ZC2HC1A: variants seen among roughly 807,000 people sequenced by gnomAD.
ZC2HC1A encodes the protein zinc finger C2HC-type containing 1A.
In ZC2HC1A, 28 loss-of-function variants were observed where a neutral mutation model predicts 40.7. That is an observed-to-expected ratio of 0.69 (90% CI 0.51 to 0.94). ZC2HC1A has a LOEUF of 0.94. Among genes scored for constraint, ZC2HC1A ranks in the 40% least tolerant of loss-of-function variants. ZC2HC1A has a pLI of 0.00. For synonymous variants in ZC2HC1A, 129 were observed against 129.2 expected, an observed-to-expected ratio of 1.00 and a Z score of 0.01; for missense variants, 389 against 386.3, an observed-to-expected ratio of 1.01 and a Z score of -0.06.
At chr8:78,672,176 C>A (rs2130416237) in intron 1 of ZC2HC1A, among the ~76,000 whole-genome samples, 1 of 151,894 alleles carries the variant, frequency 6.6e-6, no homozygotes, top group Admixed American at 6.6e-5. Context: ...GACTCTGAGG[C>A]CTAAGGTATT....
rs1040362528 is a variant in ZC2HC1A at position 78,700,213 on chromosome 8, A to T, written c.704+1700A>T. Among the ~76,000 whole-genome samples, 4 of 152,266 alleles carry T rather than the reference A, an allele frequency of 2.6e-5. No homozygotes were observed. The East Asian group carries it at 5.8e-4, about 22-fold the overall frequency. On this transcript the variant is annotated intron_variant, in intron 7 of 8. Transcript: ENST00000263849. ...GGTTTTGATTTGCGTTTCTCTAATGATCAGTGATGTTGAGCTTTTTTTCAT... is the reference window on the plus strand; with the variant it reads ...GGTTTTGATTTGCGTTTCTCTAATGTTCAGTGATGTTGAGCTTTTTTTCAT...
chr8:78,711,384 A>G (rs1020468958), intron 7 of ZC2HC1A, among the ~76,000 whole-genome samples: 1 of 152,016 alleles, frequency 6.6e-6, no homozygotes, highest in South Asian at 2.1e-4. Flanking sequence ...GTGTGTGTAT[A>G]TATAGGCCCC....
In ZC2HC1A at chr8:78,698,504, C is replaced by G. The variant is rs1345959075; in HGVS notation, c.695C>G (p.Pro232Arg). 3 of 1,606,990 alleles carry G rather than the reference C, an allele frequency of 1.9e-6. No homozygotes were observed. The highest frequency in any genetic ancestry group is 2.2e-5 in the East Asian group (1 of 44,742). ...LSPSHKGIAA[P>R]HAGANVKPRN... ...CCCTCTCATAAAGGGATAGCAGCCC[C>G]TCATGCAGGGTAAGTCTACACTGGA... is the stretch of plus-strand genomic sequence containing the variant. Residue 232 changes from proline (P) to arginine (R), a missense_variant, in exon 7 of 9, where the codon CCT becomes CGT. By Grantham distance (103) the Pro-to-Arg change is moderately radical. Transcript: ENST00000263849.
intron 7 of ZC2HC1A, among the ~76,000 whole-genome samples, chr8:78,710,337 G>C (rs1323272653): frequency 6.6e-6 from 1 of 152,042 alleles, no homozygotes; most frequent in Non-Finnish European, 1.5e-5. Context: ...TATAATACAA[G>C]TATGGTTAAA....
At chr8:78,689,056 A>G (rs1167789003) in intron 4 of ZC2HC1A, among the ~76,000 whole-genome samples, 166 bp from the exon 5 acceptor site, 1 of 145,690 alleles carries the variant, frequency 6.9e-6, no homozygotes, top group East Asian at 2.0e-4. Flanking sequence ...TTAACTCTTT[A>G]CTAAGTTTAG....
At chr8:78,677,802 G>A (rs1419033495) in intron 2 of ZC2HC1A, among the ~76,000 whole-genome samples, 4 of 152,152 alleles carry the variant, frequency 2.6e-5, no homozygotes, top group South Asian at 2.1e-4. Context: ...GGGCGAGTTC[G>A]CAGTGCAAAG....
At chr8:78,716,324 C>G (rs1811101227) in intron 8 of ZC2HC1A, among the ~76,000 whole-genome samples, 1 of 151,622 alleles carries the variant, frequency 6.6e-6, no homozygotes, top group Non-Finnish European at 1.5e-5. Context: ...GGGGTTTCAC[C>G]ATGTTAGCCA....
intron 1 of ZC2HC1A, 54 bp downstream of exon 1, chr8:78,666,218 G>C: frequency 6.4e-7 from 1 of 1,557,828 alleles, no homozygotes; most frequent in Non-Finnish European, 8.7e-7. Context: ...CGAAACAGCT[G>C]GGGACCCTGG....
chr8:78,698,338 G>GT, intron 6 of ZC2HC1A, 76 bp from the exon 7 acceptor site: 1 of 1,203,854 alleles, frequency 8.3e-7, no homozygotes, highest in South Asian at 1.6e-5. Context: ...CTAAAGCATT[G>GT]TTTCCTTTGT....
At chr8:78,713,116 C>A (rs888082181) in intron 7 of ZC2HC1A, among the ~76,000 whole-genome samples, 1 of 151,876 alleles carries the variant, frequency 6.6e-6, no homozygotes, top group African/African-American at 2.4e-5. Flanking sequence ...AAGTACAATT[C>A]CAAAATTAAA....
chr8:78,708,450 G>A (rs1403940497), intron 7 of ZC2HC1A, among the ~76,000 whole-genome samples: 2 of 151,906 alleles, frequency 1.3e-5, no homozygotes, highest in African/African-American at 4.8e-5. Context: ...GAGTGAGGTG[G>A]GAGAGTCGCT....
At chr8:78,708,093 A>G (rs530978760) in intron 7 of ZC2HC1A, among the ~76,000 whole-genome samples, 11 of 152,342 alleles carry the variant, frequency 7.2e-5, no homozygotes, top group African/African-American at 2.2e-4. Context: ...AGAATTACTT[A>G]AAGTTTGTAT....
At position 78,666,145 on chromosome 8, in the gene ZC2HC1A, C is replaced by T. The variant is rs1017076862; in HGVS notation, c.-4C>T. ...AGTCTCGCTGAGCTCGAGGAGGTGG[C>T]GCGATGGAGGGACTGGAAGGTGAGG... On this transcript the variant is annotated 5_prime_UTR_variant, in exon 1 of 9. Transcript: ENST00000263849. 4.5e-6 allele frequency: 7 copies of T among 1,571,990 alleles called. No individual in the cohort carries two copies. The highest frequency in any genetic ancestry group is 5.2e-6 in the Non-Finnish European group (6 of 1,158,794).
At chr8:78,694,166 A>G (rs894636589) in intron 5 of ZC2HC1A, among the ~76,000 whole-genome samples, 10 of 151,786 alleles carry the variant, frequency 6.6e-5, no homozygotes, top group African/African-American at 1.7e-4. Context: ...ATAGTTTGCA[A>G]TTTTCCATTA....
chr8:78,709,428 A>G (rs1360512866), intron 7 of ZC2HC1A, among the ~76,000 whole-genome samples: 1 of 152,108 alleles, frequency 6.6e-6, no homozygotes, highest in African/African-American at 2.4e-5. Flanking sequence ...CTTATCTTTT[A>G]TTGTTGATCT....
chr8:78,672,836 A>G (rs1024471277), intron 1 of ZC2HC1A, among the ~76,000 whole-genome samples: 24 of 152,194 alleles, frequency 1.6e-4, no homozygotes, highest in Admixed American at 1.0e-3. Flanking sequence ...CAACTTACCA[A>G]TGAAACTAAA....
At chr8:78,666,893 T>A (rs16905947) in intron 1 of ZC2HC1A, among the ~76,000 whole-genome samples, 3,169 of 152,316 alleles carry the variant, frequency 0.021, 109 homozygotes, top group African/African-American at 0.072. Flanking sequence ...TTACCCATTT[T>A]ATCCTGTGTA....
chr8:78,690,121 G>A (rs1039563382), intron 5 of ZC2HC1A, among the ~76,000 whole-genome samples: 2 of 152,216 alleles, frequency 1.3e-5, no homozygotes, highest in Admixed American at 6.5e-5. Flanking sequence ...AAATGTATGG[G>A]TTTATTTCAG....
chr8:78,682,430 A>G (rs923239792), intron 3 of ZC2HC1A, among the ~76,000 whole-genome samples: 2 of 152,200 alleles, frequency 1.3e-5, no homozygotes, highest in Non-Finnish European at 2.9e-5. Context: ...AAGGTGAAGA[A>G]GGAACAAAGT....
Sources: gnomAD v4.1 joint callset for allele counts (sites outside exome capture counted in the v4.1 genomes callset) on GRCh38, gnomAD v4.1.1 for gene constraint, MANE v1.5 for transcripts, NCBI Gene and HGNC (gene_info 2026-07-23, HGNC 2026-07-21) for gene names.